Variants in ZNF385D observed in about 807,000 individuals in gnomAD.
The protein encoded by ZNF385D is zinc finger protein 659.
A neutral mutation model predicts 35.8 loss-of-function variants in ZNF385D; 15 were observed. The ratio of observed to expected loss-of-function variants is 0.42; its 90% CI spans 0.28 to 0.64. The LOEUF is 0.64. Among genes scored for constraint, ZNF385D ranks in the 30% least tolerant of loss-of-function variants. The probability of loss-of-function intolerance (pLI) is 0.23; values close to 1 mark genes in which losing one functional copy is unlikely to be tolerated. For missense variants in ZNF385D, 474 were observed against 494.6 expected, an observed-to-expected ratio of 0.96 and a Z score of 0.39; for synonymous variants, 212 against 186.8, an observed-to-expected ratio of 1.13 and a Z score of -1.10.
intron 3 of ZNF385D, among the ~76,000 whole-genome samples, chr3:21,832,959 A>G (rs1695095063): frequency 6.6e-6 from 1 of 152,198 alleles, no homozygotes; most frequent in Admixed American, 6.5e-5. Context: ...TAAATATTAT[A>G]TAAAAATCAA....
intron 3 of ZNF385D, among the ~76,000 whole-genome samples, chr3:21,860,196 G>T (rs1315398054): frequency 6.8e-6 from 1 of 145,994 alleles, no homozygotes; most frequent in Non-Finnish European, 1.5e-5. Context: ...GGTTGAGCAC[G>T]TTTGCTGTAA....
At chr3:22,022,691 T>C (rs1043531788) in intron 3 of ZNF385D, among the ~76,000 whole-genome samples, 1 of 152,148 alleles carries the variant, frequency 6.6e-6, no homozygotes. Context: ...TTGTATATTA[T>C]GTATTACTTT....
chr3:21,721,978 T>C (rs958263661), intron 1 of ZNF385D, among the ~76,000 whole-genome samples: 5 of 151,724 alleles, frequency 3.3e-5, no homozygotes, highest in South Asian at 2.1e-4. Context: ...CGTGTGCCTA[T>C]AGTCCCAGCT....
intron 3 of ZNF385D, among the ~76,000 whole-genome samples, chr3:22,028,070 AT>A (rs1394981480): frequency 1.7e-4 from 26 of 152,118 alleles, no homozygotes; most frequent in Admixed American, 1.7e-3. Context: ...TTATACACCG[AT>A]TCATGGGCTG....
At chr3:22,120,602 T>C (rs1432722221) in intron 3 of ZNF385D, among the ~76,000 whole-genome samples, 3 of 152,140 alleles carry the variant, frequency 2.0e-5, no homozygotes, top group Admixed American at 6.6e-5. Flanking sequence ...GAATTCCATC[T>C]CTACTCTTTA....
At chr3:21,796,814 C>A (rs1240258102) in intron 3 of ZNF385D, among the ~76,000 whole-genome samples, 1 of 152,140 alleles carries the variant, frequency 6.6e-6, no homozygotes, top group African/African-American at 2.4e-5. Context: ...ATCTGGCTGA[C>A]CAAAAGTCCT....
chr3:22,203,761 G>A (rs571553398), intron 2 of ZNF385D, among the ~76,000 whole-genome samples: 7 of 152,240 alleles, frequency 4.6e-5, no homozygotes, highest in African/African-American at 1.7e-4. Flanking sequence ...GGAAAGGAAA[G>A]AGAAAAGAAA....
intron 4 of ZNF385D, among the ~76,000 whole-genome samples, chr3:21,510,156 T>C (rs1354292069): frequency 2.6e-5 from 4 of 152,136 alleles, no homozygotes; most frequent in African/African-American, 9.7e-5. Flanking sequence ...TCTGTAGATT[T>C]CGAAAACCAG....
At chr3:22,073,330 G>GA (rs5847159) in intron 3 of ZNF385D, among the ~76,000 whole-genome samples, 22,009 of 138,538 alleles carry the variant, frequency 0.16, 1,905 homozygotes, top group Non-Finnish European at 0.18. Context: ...AACAGACAGT[G>GA]AAAAAAAAAA....
At chr3:22,372,359 A>T in intron 2 of ZNF385D, 2 of 835,332 alleles carry the variant, frequency 2.4e-6, no homozygotes, top group Non-Finnish European at 1.4e-6. Context: ...CGCGCCTGGT[A>T]TCCCGCAGGG....
chr3:22,304,055 C>A (rs950639627), intron 2 of ZNF385D, among the ~76,000 whole-genome samples: 1 of 152,226 alleles, frequency 6.6e-6, no homozygotes, highest in African/African-American at 2.4e-5. Flanking sequence ...GGATTACAGG[C>A]GTGAGTCACC....
intron 3 of ZNF385D, among the ~76,000 whole-genome samples, chr3:21,939,919 C>G (rs1007631887): frequency 2.0e-5 from 3 of 152,126 alleles, no homozygotes; most frequent in Non-Finnish European, 4.4e-5. Flanking sequence ...AAAAAATTCA[C>G]ATAGGGAGTG....
intron 3 of ZNF385D, among the ~76,000 whole-genome samples, chr3:21,891,315 T>A (rs892019329): frequency 6.6e-6 from 1 of 152,090 alleles, no homozygotes; most frequent in African/African-American, 2.4e-5. Flanking sequence ...TACACTGAGA[T>A]CACAGGTAAA....
chr3:21,779,604 AG>A (rs2071415827), intron 3 of ZNF385D, among the ~76,000 whole-genome samples: 1 of 151,980 alleles, frequency 6.6e-6, no homozygotes, highest in Non-Finnish European at 1.5e-5. Flanking sequence ...TTTTGACTTG[AG>A]TTCTATCTTA....
chr3:22,194,237 A>G (rs1007843465), intron 2 of ZNF385D, among the ~76,000 whole-genome samples: 14 of 151,998 alleles, frequency 9.2e-5, no homozygotes, highest in African/African-American at 3.4e-4. Flanking sequence ...TTTTGCCAAA[A>G]TTAAAGTATT....
intron 3 of ZNF385D, among the ~76,000 whole-genome samples, chr3:21,820,907 A>C (rs923369857): frequency 6.6e-6 from 1 of 151,624 alleles, no homozygotes; most frequent in East Asian, 1.9e-4. Flanking sequence ...TTTTGTGATT[A>C]AAAAAAAGAA....
At chr3:21,764,884 T>G (rs1575609667) in intron 3 of ZNF385D, among the ~76,000 whole-genome samples, 1 of 152,248 alleles carries the variant, frequency 6.6e-6, no homozygotes, top group East Asian at 1.9e-4. Flanking sequence ...GCTTATTTTT[T>G]TTCCAATTGT....
chr3:21,915,631 C>A (rs1700159598), intron 3 of ZNF385D, among the ~76,000 whole-genome samples: 1 of 151,962 alleles, frequency 6.6e-6, no homozygotes, highest in African/African-American at 2.4e-5. Flanking sequence ...ACCCCCAACC[C>A]ATACACAAAG....
At chr3:21,829,428 T>C (rs1694848557) in intron 3 of ZNF385D, among the ~76,000 whole-genome samples, 1 of 152,032 alleles carries the variant, frequency 6.6e-6, no homozygotes. Context: ...AAAAAGGCCA[T>C]TGTAGTAGTG....
Sources: gnomAD v4.1 joint callset for allele counts (sites outside exome capture counted in the v4.1 genomes callset) on GRCh38, gnomAD v4.1.1 for gene constraint, MANE v1.5 for transcripts, NCBI Gene and HGNC (gene_info 2026-07-23, HGNC 2026-07-21) for gene names.